CDH12: variants seen among roughly 807,000 people sequenced by gnomAD.
CDH12 encodes cadherin-12.
CDH12 carries 41 observed loss-of-function variants against 74.1 expected under a neutral mutation model. The ratio of observed to expected loss-of-function variants is 0.55; its 90% CI spans 0.43 to 0.72. The LOEUF is 0.72. Ranked by LOEUF, CDH12 falls within the 30% of genes least tolerant of loss-of-function variation. CDH12 has a pLI of 0.00. For missense variants in CDH12, 945 were observed against 977.2 expected, an observed-to-expected ratio of 0.97 and a Z score of 0.44; for synonymous variants, 399 against 355.0, an observed-to-expected ratio of 1.12 and a Z score of -1.39.
chr5:22,317,328 T>TA (rs1435962694), intron 3 of CDH12, among the ~76,000 whole-genome samples: 4 of 151,686 alleles, frequency 2.6e-5, no homozygotes, highest in Non-Finnish European at 2.9e-5. Flanking sequence ...AAAAAAAAAA[T>TA]AAAAAAATTA....
intron 10 of CDH12, among the ~76,000 whole-genome samples, chr5:21,784,366 A>C (rs1031615270): frequency 2.0e-5 from 3 of 152,126 alleles, no homozygotes; most frequent in African/African-American, 7.2e-5. Flanking sequence ...CAATGCTTAC[A>C]CATTGAGAAT....
chr5:22,056,172 A>T (rs1740731215), intron 5 of CDH12, among the ~76,000 whole-genome samples: 2 of 152,168 alleles, frequency 1.3e-5, no homozygotes, highest in Admixed American at 6.6e-5. Context: ...TGGGTTTAAA[A>T]TTTTTCTCCA....
chr5:22,535,518 A>ATTTTAAG (rs1316827525), intron 1 of CDH12, among the ~76,000 whole-genome samples: 1 of 152,134 alleles, frequency 6.6e-6, no homozygotes, highest in Non-Finnish European at 1.5e-5. Flanking sequence ...CTTTATTATA[A>ATTTTAAG]TTTTAAGTGT....
chr5:22,614,681 C>T (rs1737599850), intron 1 of CDH12, among the ~76,000 whole-genome samples: 1 of 152,044 alleles, frequency 6.6e-6, no homozygotes, highest in South Asian at 2.1e-4. Flanking sequence ...GTGGTGGGGG[C>T]TTTTGGTGTT....
At chr5:22,425,805 A>G (rs1456831771) in intron 2 of CDH12, among the ~76,000 whole-genome samples, 2 of 152,236 alleles carry the variant, frequency 1.3e-5, no homozygotes, top group African/African-American at 4.8e-5. Flanking sequence ...TACCTGGTAC[A>G]GACACGCACA....
intron 3 of CDH12, among the ~76,000 whole-genome samples, chr5:22,325,386 G>T (rs192496197): frequency 6.8e-4 from 104 of 152,138 alleles, no homozygotes; most frequent in Middle Eastern, 6.8e-3. Context: ...TCTCAATGAC[G>T]AAGGCTTTAC....
chr5:22,447,332 CAGAG>C (rs1227395398), intron 2 of CDH12, among the ~76,000 whole-genome samples: 1 of 151,976 alleles, frequency 6.6e-6, no homozygotes, highest in African/African-American at 2.4e-5. Flanking sequence ...CACACATTGA[CAGAG>C]AGATCTAAAC....
intron 4 of CDH12, among the ~76,000 whole-genome samples, chr5:22,186,580 C>A (rs1351002733): frequency 6.6e-6 from 1 of 152,156 alleles, no homozygotes; most frequent in East Asian, 1.9e-4. Flanking sequence ...AAGTGATGCT[C>A]CTGCCTCAGA....
At chr5:22,480,599 A>T (rs1746349182) in intron 2 of CDH12, among the ~76,000 whole-genome samples, 2 of 145,266 alleles carry the variant, frequency 1.4e-5, no homozygotes, top group African/African-American at 5.1e-5. Flanking sequence ...AAAAAAAAAA[A>T]TACACCTTGC....
intron 3 of CDH12, among the ~76,000 whole-genome samples, chr5:22,340,209 T>C (rs1739782564): frequency 6.6e-6 from 1 of 152,130 alleles, no homozygotes; most frequent in Non-Finnish European, 1.5e-5. Context: ...CTTAGCTCCA[T>C]AGGGATACAT....
intron 3 of CDH12, among the ~76,000 whole-genome samples, chr5:22,392,693 A>T (rs183418640): frequency 4.0e-4 from 61 of 152,328 alleles, no homozygotes; most frequent in Admixed American, 1.4e-3. Flanking sequence ...TTTAAAGCAC[A>T]GCAGAATGCA....
intron 5 of CDH12, among the ~76,000 whole-genome samples, chr5:21,981,433 C>G (rs1260733016): frequency 6.6e-6 from 1 of 151,918 alleles, no homozygotes; most frequent in Non-Finnish European, 1.5e-5. Context: ...GTTAACCCAG[C>G]TTAATTTTTG....
intron 10 of CDH12, among the ~76,000 whole-genome samples, chr5:21,791,182 G>A (rs1579708247): frequency 6.6e-6 from 1 of 152,004 alleles, no homozygotes; most frequent in African/African-American, 2.4e-5. Context: ...CCAGTGCTCT[G>A]TCTATATGTG....
chr5:21,964,753 T>TA (rs1756509201), intron 6 of CDH12, among the ~76,000 whole-genome samples: 1 of 152,008 alleles, frequency 6.6e-6, no homozygotes, highest in African/African-American at 2.4e-5. Flanking sequence ...ACATTATATT[T>TA]ATGCATTATA....
intron 3 of CDH12, among the ~76,000 whole-genome samples, chr5:22,287,332 T>C (rs747806887): frequency 6.6e-6 from 1 of 152,142 alleles, no homozygotes; most frequent in Non-Finnish European, 1.5e-5. Context: ...TTTGTTAAGG[T>C]AGCTCAGAAA....
intron 1 of CDH12, among the ~76,000 whole-genome samples, chr5:22,772,727 C>T (rs1410911642): frequency 2.6e-5 from 4 of 151,992 alleles, no homozygotes; most frequent in Non-Finnish European, 5.9e-5. Flanking sequence ...GATTTGTATG[C>T]AGGATCCACA....
At chr5:22,221,550 A>G (rs1752015762) in intron 3 of CDH12, among the ~76,000 whole-genome samples, 1 of 151,924 alleles carries the variant, frequency 6.6e-6, no homozygotes, top group Admixed American at 6.6e-5. Context: ...TTGAGAATTT[A>G]GTCTTGTAGA....
chr5:21,847,103 A>G (rs1043434811), intron 7 of CDH12, among the ~76,000 whole-genome samples: 2 of 152,120 alleles, frequency 1.3e-5, no homozygotes, highest in African/African-American at 4.8e-5. Context: ...AAGTCATCAC[A>G]GAGTGTCCAC....
intron 1 of CDH12, among the ~76,000 whole-genome samples, chr5:22,841,962 T>C (rs1737099479): frequency 6.6e-6 from 1 of 152,156 alleles, no homozygotes; most frequent in Non-Finnish European, 1.5e-5. Flanking sequence ...TGGTTCCGCA[T>C]GCATCCCATG....
Sources: gnomAD v4.1 joint callset for allele counts (sites outside exome capture counted in the v4.1 genomes callset) on GRCh38, gnomAD v4.1.1 for gene constraint, MANE v1.5 for transcripts, NCBI Gene and HGNC (gene_info 2026-07-23, HGNC 2026-07-21) for gene names.